The following LMNA variants were observed in gnomAD, a reference collection of about 807,000 sequenced individuals.
The protein encoded by LMNA is lamin A/C.
In LMNA, 20 loss-of-function variants were observed where a neutral mutation model predicts 70.4. The observed-to-expected ratio is 0.28, with a 90% confidence interval of 0.20 to 0.41. LMNA has a LOEUF of 0.41. LMNA is among the 10% of genes least tolerant of loss of function. LMNA has a pLI of 1.00. For synonymous variants in LMNA, 339 were observed against 372.8 expected (o/e 0.91, Z 1.04); for missense variants, 652 against 917.2 (o/e 0.71, Z 3.73).
chr1:156,084,421 G>A (rs969311910), intron 2 of LMNA, among the ~76,000 whole-genome samples: 3 of 151,024 alleles, frequency 2.0e-5, no homozygotes, highest in South Asian at 2.1e-4. Context: ...TGAGGAACCC[G>A]GGAGGGTCCT....
chr1:156,138,544 C>A lies in LMNA; in HGVS notation c.1755C>A (p.Thr585=). The change falls in exon 11 of 12, where the codon ACC becomes ACA. Residue 585 remains threonine, a synonymous_variant. Transcript: ENST00000368300. This position sits in a 1 kb window ranked among gnomAD's most constrained non-coding sequence, Gnocchi z 5.5. ...DPAEYNLRSR[T]VLCGTCGQPA... is the part of the protein sequence containing the mutation. Reference sequence around the variant, plus strand: ...CTGAGTACAACCTGCGCTCGCGCACCGTGCTGTGCGGGACCTGCGGGCAGC... The same window carrying A: ...CTGAGTACAACCTGCGCTCGCGCACAGTGCTGTGCGGGACCTGCGGGCAGC... 2 of 1,612,536 alleles carry A rather than the reference C, an allele frequency of 1.2e-6. No individual in the cohort carries two copies. Among genetic ancestry groups the A allele is most frequent in the African/African-American group, 1.3e-5 (1 of 75,032 alleles).
At chr1:156,131,357 G>A (rs1444717033) in intron 2 of LMNA, among the ~76,000 whole-genome samples, 1 of 152,144 alleles carries the variant, frequency 6.6e-6, no homozygotes, top group Admixed American at 6.5e-5. Flanking sequence ...GGAGGCCAAG[G>A]AGGCAGGATT....
intron 3 of LMNA, among the ~76,000 whole-genome samples, chr1:156,107,248 C>T (rs1649381422): frequency 6.6e-6 from 1 of 152,206 alleles, no homozygotes; most frequent in African/African-American, 2.4e-5. Flanking sequence ...AGTCGCCCCT[C>T]CAGCCCCGCT....
intron 3 of LMNA, among the ~76,000 whole-genome samples, chr1:156,094,845 C>T (rs1228386686): frequency 6.6e-6 from 1 of 150,942 alleles, no homozygotes; most frequent in Non-Finnish European, 1.5e-5. Context: ...CTGCAACCTC[C>T]GCCTCCTGGG....
At position 156,138,130 on chromosome 1, in the gene LMNA, T is replaced by C. The variant is rs1037316753; in HGVS notation, c.1699-358T>C. ...TTCCCTCATTTTTCCTGCAAGAATGTTCTCTCTCATTCCTGACCGCCCCTC... is the reference window on the plus strand; with the variant it reads ...TTCCCTCATTTTTCCTGCAAGAATGCTCTCTCTCATTCCTGACCGCCCCTC... On this transcript the variant is annotated intron_variant, in intron 10 of 11. Transcript: ENST00000368300. This position sits in a 1 kb window ranked among gnomAD's most constrained non-coding sequence, Gnocchi z 5.5. 2.2e-4 allele frequency: 116 copies of C among 519,778 alleles called. 1 individual carries two copies. Among genetic ancestry groups the C allele is most frequent in the Non-Finnish European group, 3.5e-4 (100 of 287,130 alleles). The allele number at this position is 519,778 out of a possible 1,614,324, so 32.2% of individuals were successfully genotyped here. A position where few individuals can be genotyped will look rare whatever the true frequency, so the allele number is the denominator to read the frequency against.
intron 1 of LMNA, chr1:156,129,756 G>A: frequency 2.9e-6 from 2 of 689,296 alleles, no homozygotes; most frequent in South Asian, 1.5e-5. Flanking sequence ...GCCCAGAAAA[G>A]GTGAGGGAGG....
At position 156,105,573 on chromosome 1, in the gene LMNA, G is replaced by A. The variant is rs376813836; in HGVS notation, c.-206-9140G>A. Among the ~76,000 whole-genome samples the A allele has an allele frequency of 3.9e-5, 6 of 152,294 alleles. No homozygotes were observed. The East Asian group carries it at 9.6e-4, about 24-fold the overall frequency. On this transcript the variant is annotated intron_variant, in intron 3 of 12. Transcript: ENST00000368301. The stretch of plus-strand genomic sequence containing the variant: ...GAGGAGAGCTTTCAACGGGGACCTT[G>A]AGGAGTGTGAGGGCTGCAGGGGCTG...
At position 156,126,596 on chromosome 1, in the gene LMNA, G is replaced by A. The variant is rs593987; in HGVS notation, c.357-4021G>A. On this transcript the variant is annotated intron_variant, in intron 1 of 11. Transcript: ENST00000368300. ...CCGGGCCTGCTGCAGCTGGGGAGCC[G>A]GACTTCCTTGTCCCACCAGGCACAG... The A allele has an allele frequency of 0.062, 55,862 of 894,986 alleles. 3,271 individuals carry two copies. Among genetic ancestry groups the A allele is most frequent in the African/African-American group, 0.25 (15,433 of 61,304 alleles). The allele number at this position is 894,986 out of a possible 1,614,324, so 55.4% of individuals were successfully genotyped here.
intron 1 of LMNA, among the ~76,000 whole-genome samples, chr1:156,125,352 G>C (rs557149137): frequency 2.0e-5 from 3 of 152,272 alleles, no homozygotes; most frequent in South Asian, 4.1e-4. Context: ...AGCAGAAGAC[G>C]CCCTGTCACA....
At chr1:156,119,335 C>G (rs1650042885) in intron 1 of LMNA, among the ~76,000 whole-genome samples, 1 of 152,170 alleles carries the variant, frequency 6.6e-6, no homozygotes, top group Non-Finnish European at 1.5e-5. Context: ...CCAGGATGGT[C>G]TTGATCTCTT....
chr1:156,125,470 G>A (rs113989533), intron 1 of LMNA, among the ~76,000 whole-genome samples: 1 of 151,768 alleles, frequency 6.6e-6, no homozygotes, highest in African/African-American at 2.4e-5. Context: ...GGAGGATCAC[G>A]TGAGGTCAGG....
At position 156,134,457 on chromosome 1, in the gene LMNA, C is replaced by T. The variant is rs59026483; in HGVS notation, c.568C>T (p.Arg190Trp). The change falls in exon 3 of 12, where the codon CGG becomes TGG. Residue 190 changes from arginine to tryptophan, a missense_variant. Transcript: ENST00000368300. This position sits in a 1 kb window ranked among gnomAD's most constrained non-coding sequence, Gnocchi z 5.3. ...GCAACTTCAGGATGAGATGCTGCGG[C>T]GGGTGGATGCTGAGAACAGGCTGCA... ...KKQLQDEMLR[R>W]VDAENRLQTM... 6.2e-7 allele frequency: 1 copy of T among 1,614,038 alleles called. No individual in the cohort carries two copies.
At chr1:156,096,545 G>T (rs1648944757) in intron 3 of LMNA, among the ~76,000 whole-genome samples, 1 of 152,346 alleles carries the variant, frequency 6.6e-6, no homozygotes, top group East Asian at 1.9e-4. Flanking sequence ...CCGCAGACCG[G>T]GTTAGGTGCC....
chr1:156,109,164 G>T (rs1649448660), intron 3 of LMNA, among the ~76,000 whole-genome samples: 2 of 151,656 alleles, frequency 1.3e-5, no homozygotes, highest in South Asian at 4.2e-4. Flanking sequence ...AATAATAAAG[G>T]TAGTCCATAA....
At chr1:156,084,337 G>GGC (rs1553259261) in intron 2 of LMNA, among the ~76,000 whole-genome samples, 2 of 121,366 alleles carry the variant, frequency 1.6e-5, no homozygotes, top group African/African-American at 6.3e-5. Context: ...TCGGGGGGTG[G>GGC]TGGGGGCAGT....
At chr1:156,097,054 T>C (rs912908928) in intron 3 of LMNA, among the ~76,000 whole-genome samples, 3 of 152,178 alleles carry the variant, frequency 2.0e-5, no homozygotes, top group Admixed American at 1.3e-4. Flanking sequence ...TTGGGGGTCC[T>C]GATGAGGCTG....
intron 1 of LMNA, chr1:156,082,865 C>G (rs6703983): frequency 0.24 from 37,187 of 152,186 alleles, 5,900 homozygotes; most frequent in East Asian, 0.72. Context: ...CGTCCCCGCT[C>G]GCTCACTGCG....
chr1:156,108,984 T>G (rs1008041033), intron 3 of LMNA, among the ~76,000 whole-genome samples: 1 of 152,112 alleles, frequency 6.6e-6, no homozygotes, highest in African/African-American at 2.4e-5. Flanking sequence ...CAACAGAGAA[T>G]TATCTGGCCC....
intron 3 of LMNA, among the ~76,000 whole-genome samples, chr1:156,091,542 C>T (rs1002191096): frequency 2.6e-5 from 4 of 152,110 alleles, no homozygotes; most frequent in African/African-American, 7.2e-5. Context: ...ACAGAGGTTG[C>T]GGTAAGCCAA....
Sources: allele counts gnomAD v4.1 joint callset (sites outside exome capture counted in the v4.1 genomes callset), GRCh38; gene constraint gnomAD v4.1.1; non-coding constraint Gnocchi (gnomAD v3.1); transcripts MANE v1.5; gene names NCBI Gene and HGNC (gene_info 2026-07-23, HGNC 2026-07-21).